CAMK2D: variants seen among roughly 807,000 people sequenced by gnomAD.
CAMK2D encodes calcium/calmodulin-dependent protein kinase type II subunit delta.
CAMK2D carries 37 observed loss-of-function variants against 84.0 expected under a neutral mutation model. The ratio of observed to expected loss-of-function variants is 0.44; its 90% confidence interval spans 0.34 to 0.58. CAMK2D has a LOEUF of 0.58. CAMK2D is among the 20% of genes least tolerant of loss of function. CAMK2D has a pLI of 0.02. For synonymous variants in CAMK2D, 202 were observed against 212.5 expected, an observed-to-expected ratio of 0.95 and a Z score of 0.43; for missense variants, 448 against 652.5, an observed-to-expected ratio of 0.69 and a Z score of 3.41.
chr4:113,620,256 G>A (rs1561407145), intron 3 of CAMK2D, among the ~76,000 whole-genome samples: 1 of 152,114 alleles, frequency 6.6e-6, no homozygotes, highest in Non-Finnish European at 1.5e-5. Flanking sequence ...ACCTCCAGGT[G>A]CTGCAGATAA....
intron 2 of CAMK2D, among the ~76,000 whole-genome samples, chr4:113,698,261 A>G (rs1368813446): frequency 6.6e-6 from 1 of 152,118 alleles, no homozygotes; most frequent in Non-Finnish European, 1.5e-5. Flanking sequence ...GCACCATAAT[A>G]AAGCTGAAAA....
chr4:113,622,753 C>T (rs2099051547), intron 3 of CAMK2D, among the ~76,000 whole-genome samples: 1 of 152,146 alleles, frequency 6.6e-6, no homozygotes, highest in Non-Finnish European at 1.5e-5. Context: ...GACAATGAAA[C>T]CCTGCCTCAA....
intron 4 of CAMK2D, among the ~76,000 whole-genome samples, chr4:113,596,198 G>A (rs994604889): frequency 6.6e-6 from 1 of 152,134 alleles, no homozygotes; most frequent in African/African-American, 2.4e-5. Context: ...GTTTTATGCT[G>A]AGATTACATC....
At chr4:113,534,672 T>C (rs2098478114) in intron 7 of CAMK2D, among the ~76,000 whole-genome samples, 2 of 152,224 alleles carry the variant, frequency 1.3e-5, no homozygotes, top group African/African-American at 4.8e-5. Context: ...TCTCACTGAA[T>C]ATGCAAAGAA....
intron 4 of CAMK2D, among the ~76,000 whole-genome samples, chr4:113,607,325 C>T (rs1008688764): frequency 1.3e-5 from 2 of 152,098 alleles, no homozygotes; most frequent in Admixed American, 1.3e-4. Flanking sequence ...GGAGCCTGTG[C>T]AGTAGGATTG....
chr4:113,686,456 C>CA (rs1416256715), intron 2 of CAMK2D, among the ~76,000 whole-genome samples: 1 of 152,216 alleles, frequency 6.6e-6, no homozygotes, highest in Non-Finnish European at 1.5e-5. Context: ...ACAAAACTCT[C>CA]AAAATCTTAA....
chr4:113,571,918 G>A (rs1258436248), intron 4 of CAMK2D, among the ~76,000 whole-genome samples: 1 of 152,162 alleles, frequency 6.6e-6, no homozygotes, highest in Admixed American at 6.5e-5. Context: ...CCAATTTGGA[G>A]ACAATAAATT....
At chr4:113,582,561 G>A (rs1451117862) in intron 4 of CAMK2D, among the ~76,000 whole-genome samples, 3 of 130,242 alleles carry the variant, frequency 2.3e-5, no homozygotes, top group Admixed American at 7.5e-5. Context: ...TTAAAGAAGC[G>A]AGCTGATAAG....
chr4:113,611,168 C>A (rs2154268135), intron 3 of CAMK2D, among the ~76,000 whole-genome samples: 1 of 152,164 alleles, frequency 6.6e-6, no homozygotes, highest in South Asian at 2.1e-4. Flanking sequence ...TTGCCAATAT[C>A]AGAGATGCCT....
At chr4:113,571,822 T>G (rs1045830368) in intron 4 of CAMK2D, among the ~76,000 whole-genome samples, 2 of 152,246 alleles carry the variant, frequency 1.3e-5, no homozygotes, top group Non-Finnish European at 2.9e-5. Context: ...TCTAGTTATC[T>G]ATCTGTATTA....
chr4:113,589,842 G>A (rs2098854942), intron 4 of CAMK2D, among the ~76,000 whole-genome samples: 1 of 152,130 alleles, frequency 6.6e-6, no homozygotes, highest in Non-Finnish European at 1.5e-5. Flanking sequence ...TAAGAAGCAA[G>A]TATAAGCAGA....
chr4:113,680,043 T>C (rs2099336608), intron 2 of CAMK2D, among the ~76,000 whole-genome samples: 1 of 152,204 alleles, frequency 6.6e-6, no homozygotes, highest in African/African-American at 2.4e-5. Flanking sequence ...ATTTCCCTTC[T>C]ACTAGTCCTT....
chr4:113,596,730 T>C (rs913674665), intron 4 of CAMK2D, among the ~76,000 whole-genome samples: 4 of 152,274 alleles, frequency 2.6e-5, no homozygotes, highest in Admixed American at 6.5e-5. Flanking sequence ...TAAACCATGA[T>C]GTAAACAGAT....
At chr4:113,595,827 C>T (rs1403742037) in intron 4 of CAMK2D, among the ~76,000 whole-genome samples, 5 of 152,152 alleles carry the variant, frequency 3.3e-5, no homozygotes, top group African/African-American at 9.7e-5. Context: ...TGGAGGTTCT[C>T]GCCTCAGTGT....
chr4:113,483,631 C>G (rs1216028644), intron 16 of CAMK2D, among the ~76,000 whole-genome samples: 1 of 152,022 alleles, frequency 6.6e-6, no homozygotes, highest in East Asian at 1.9e-4. Context: ...GTCTCAAACT[C>G]CGGACCCCAG....
chr4:113,474,182 T>A (rs2097577477), intron 16 of CAMK2D, among the ~76,000 whole-genome samples: 1 of 152,206 alleles, frequency 6.6e-6, no homozygotes, highest in South Asian at 2.1e-4. Flanking sequence ...ATTAAGATGT[T>A]CCATGAATCA....
chr4:113,754,582 T>C, intron 2 of CAMK2D: 1 of 982,554 alleles, frequency 1.0e-6, no homozygotes, highest in Non-Finnish European at 1.2e-6. Context: ...ACACTAGTTA[T>C]TAATATCACA....
At chr4:113,528,630 T>C (rs1462167900) in intron 8 of CAMK2D, among the ~76,000 whole-genome samples, 3 of 151,910 alleles carry the variant, frequency 2.0e-5, no homozygotes, top group African/African-American at 7.3e-5. Flanking sequence ...ATCCCTCTAG[T>C]GTTCAAGGTC....
intron 8 of CAMK2D, among the ~76,000 whole-genome samples, chr4:113,527,946 ATAATT>A (rs2098432872): frequency 6.6e-6 from 1 of 152,212 alleles, no homozygotes; most frequent in Non-Finnish European, 1.5e-5. Flanking sequence ...GAACAAATGA[ATAATT>A]TATTTAAATT....
Sources: gnomAD v4.1 joint callset for allele counts (sites outside exome capture counted in the v4.1 genomes callset) on GRCh38, gnomAD v4.1.1 for gene constraint, MANE v1.5 for transcripts, NCBI Gene and HGNC (gene_info 2026-07-23, HGNC 2026-07-21) for gene names.